KCNJ6: variants seen among roughly 807,000 people sequenced by gnomAD.
The protein encoded by KCNJ6 is G protein-activated inward rectifier potassium channel 2.
In KCNJ6, 9 loss-of-function variants were observed where a neutral mutation model predicts 34.2. The ratio of observed to expected loss-of-function variants is 0.26; its 90% CI spans 0.16 to 0.46. The LOEUF (loss-of-function observed/expected upper bound fraction) is 0.46. Among genes scored for constraint, KCNJ6 ranks in the 20% least tolerant of loss-of-function variants. The pLI is 1.00. For synonymous variants in KCNJ6, 196 were observed against 207.1 expected, an observed-to-expected ratio of 0.95 and a Z score of 0.46; for missense variants, 236 against 531.3, an observed-to-expected ratio of 0.44 and a Z score of 5.46.
At chr21:37,914,256 A>T (rs1039101581) in intron 1 of KCNJ6, among the ~76,000 whole-genome samples, 1 of 152,164 alleles carries the variant, frequency 6.6e-6, no homozygotes, top group South Asian at 2.1e-4. Context: ...GCACGAGCCA[A>T]AGACTCATTT....
chr21:37,684,184 G>A (rs745751778), intron 3 of KCNJ6, among the ~76,000 whole-genome samples: 10 of 152,192 alleles, frequency 6.6e-5, no homozygotes, highest in Non-Finnish European at 1.2e-4. Context: ...TGTTGGCAGG[G>A]TTGGTTCCTC....
intron 3 of KCNJ6, among the ~76,000 whole-genome samples, chr21:37,667,182 AAATT>A (rs2054518458): frequency 1.4e-5 from 1 of 72,328 alleles, no homozygotes; most frequent in African/African-American, 3.6e-5. Context: ...AAAAAAAAAA[AAATT>A]AAATGAGGCA....
Position 37,725,072 on chromosome 21 carries a change from C to T in KCNJ6, c.26-9941G>A, listed in dbSNP as rs191079203. Among the ~76,000 whole-genome samples the T allele has an allele frequency of 6.7e-4, 102 of 151,944 alleles. 1 individual carries two copies. The highest frequency in any genetic ancestry group is 3.4e-3 in the Middle Eastern group (1 of 294). ...AAAAACAGGAAAAATATTTACAACA[C>T]GACACATATATATTCCCAGTTTACA... On this transcript the variant is annotated intron_variant, in intron 2 of 3. Transcript: ENST00000609713.
intron 2 of KCNJ6, among the ~76,000 whole-genome samples, chr21:37,822,812 T>A (rs2055380011): frequency 6.6e-6 from 1 of 152,208 alleles, no homozygotes; most frequent in South Asian, 2.1e-4. Context: ...AATAAATATT[T>A]AGATTGGGTC....
intron 2 of KCNJ6, among the ~76,000 whole-genome samples, chr21:37,828,360 G>A (rs572477668): frequency 2.6e-5 from 4 of 152,232 alleles, no homozygotes; most frequent in South Asian, 2.1e-4. Context: ...ACCTTCATCT[G>A]AGTTTAATTC....
intron 3 of KCNJ6, among the ~76,000 whole-genome samples, chr21:37,680,911 T>C (rs550906853): frequency 6.6e-5 from 10 of 152,374 alleles, no homozygotes; most frequent in African/African-American, 2.4e-4. Context: ...ACACACTGTA[T>C]AGAATGCAGC....
At chr21:37,812,973 T>C (rs912798929) in intron 2 of KCNJ6, among the ~76,000 whole-genome samples, 1 of 152,150 alleles carries the variant, frequency 6.6e-6, no homozygotes, top group Non-Finnish European at 1.5e-5. Context: ...AGAAGTCAAA[T>C]TGTCCTTGTT....
At chr21:37,697,121 G>T (rs2054666978) in intron 3 of KCNJ6, among the ~76,000 whole-genome samples, 1 of 152,200 alleles carries the variant, frequency 6.6e-6, no homozygotes, top group Non-Finnish European at 1.5e-5. Flanking sequence ...GTGCCAAGGG[G>T]AGGAGGGAGC....
chr21:37,841,421 A>C (rs1258440751), intron 1 of KCNJ6, among the ~76,000 whole-genome samples: 3 of 152,186 alleles, frequency 2.0e-5, no homozygotes, highest in Non-Finnish European at 4.4e-5. Flanking sequence ...TGTGTTCCTA[A>C]CATATGTAGT....
rs1170384400 is a variant in KCNJ6 at position 37,622,700 on chromosome 21, C to A, written c.*2459G>T. 1 of 152,154 alleles carries A rather than the reference C, an allele frequency of 6.6e-6. No individual in the cohort carries two copies. Among genetic ancestry groups the A allele is most frequent in the African/African-American group, 2.4e-5 (1 of 41,440 alleles). 9.4% of individuals were successfully genotyped at this position (152,154 alleles called of 1,614,324 possible). ...AGAACTGACAGGTGCACGTGGCCAA[C>A]GTGTTGTCAAGGCTCTTCGTTCAGT... is the stretch of plus-strand genomic sequence containing the variant. On this transcript the variant is annotated 3_prime_UTR_variant, in exon 4 of 4. Transcript: ENST00000609713.
chr21:37,905,637 GT>G (rs1439996726), intron 1 of KCNJ6, among the ~76,000 whole-genome samples: 1 of 152,066 alleles, frequency 6.6e-6, no homozygotes, highest in African/African-American at 2.4e-5. Flanking sequence ...CCTTATTAAT[GT>G]TCTCCTCCCT....
At chr21:37,718,238 T>C (rs2054804599) in intron 2 of KCNJ6, among the ~76,000 whole-genome samples, 1 of 152,194 alleles carries the variant, frequency 6.6e-6, no homozygotes, top group Non-Finnish European at 1.5e-5. Context: ...TGAAGGAGCC[T>C]GGATCCTGAG....
chr21:37,614,911 T>G lies in KCNJ6; in HGVS notation c.*10248A>C, dbSNP rs1038937783. 3.3e-5 allele frequency: 5 copies of G among 152,174 alleles called. No homozygotes were observed. Among genetic ancestry groups the G allele is most frequent in the African/African-American group, 1.2e-4 (5 of 41,414 alleles). 9.4% of individuals were successfully genotyped at this position (152,174 alleles called of 1,614,324 possible). A position where few individuals can be genotyped will look rare whatever the true frequency, so the allele number is the denominator to read the frequency against. On this transcript the variant is annotated 3_prime_UTR_variant, in exon 4 of 4. Transcript: ENST00000609713. ...ACATTATTGTTGCATAGTGTAACAT[T>G]CAGAGGAATCCTCATTCTTTTAGAA...
At chr21:37,644,636 C>CT (rs1314966222) in intron 3 of KCNJ6, among the ~76,000 whole-genome samples, 2 of 152,182 alleles carry the variant, frequency 1.3e-5, no homozygotes, top group Admixed American at 6.5e-5. Flanking sequence ...AGAAATTAAA[C>CT]TAAAAATTAA....
At chr21:37,818,189 A>AGTGCGTGTGTGTGTGTGC (rs1184286891) in intron 2 of KCNJ6, among the ~76,000 whole-genome samples, 1 of 122,356 alleles carries the variant, frequency 8.2e-6, no homozygotes, top group Non-Finnish European at 1.7e-5. Flanking sequence ...TTGGCTTAAA[A>AGTGCGTGTGTGTGTGTGC]GTGCGTGTGT....
At chr21:37,911,425 T>A (rs943226543) in intron 1 of KCNJ6, among the ~76,000 whole-genome samples, 4 of 152,192 alleles carry the variant, frequency 2.6e-5, no homozygotes, top group Non-Finnish European at 5.9e-5. Context: ...GAATCAATTA[T>A]CTTTTGGTAC....
At chr21:37,729,966 A>C (rs1376127291) in intron 2 of KCNJ6, among the ~76,000 whole-genome samples, 2 of 152,186 alleles carry the variant, frequency 1.3e-5, no homozygotes, top group African/African-American at 4.8e-5. Flanking sequence ...GGAAGCCAAC[A>C]GATTTGCCAG....
chr21:37,809,422 GC>G (rs1413686715), intron 2 of KCNJ6, among the ~76,000 whole-genome samples: 12 of 152,060 alleles, frequency 7.9e-5, no homozygotes, highest in South Asian at 2.1e-4. Context: ...TATACCTAAT[GC>G]TAAATGACGA....
chr21:37,680,174 CTA>C (rs3060991), intron 3 of KCNJ6, among the ~76,000 whole-genome samples: 152,325 of 152,328 alleles, frequency 1, 76,161 homozygotes, highest in Middle Eastern at 1. Context: ...TTGTTTTCAA[CTA>C]TATTATTTAC....
Sources: allele counts gnomAD v4.1 joint callset (sites outside exome capture counted in the v4.1 genomes callset), GRCh38; gene constraint gnomAD v4.1.1; transcripts MANE v1.5; gene names NCBI Gene and HGNC (gene_info 2026-07-23, HGNC 2026-07-21).